Variants in NRXN1 observed in about 807,000 individuals in gnomAD.
The protein encoded by NRXN1 is neurexin-1.
Under a neutral mutation model 150.9 loss-of-function variants are expected in NRXN1, and 39 were observed. The ratio of observed to expected loss-of-function variants is 0.26; its 90% confidence interval spans 0.20 to 0.34. The LOEUF is 0.34. NRXN1 is among the 10% of genes least tolerant of loss of function. The probability of loss-of-function intolerance (pLI) is 1.00; values close to 1 mark genes in which losing one functional copy is unlikely to be tolerated. For missense variants in NRXN1, 1,815 were observed against 1,949.9 expected, an observed-to-expected ratio of 0.93 and a Z score of 1.30; for synonymous variants, 924 against 757.0, an observed-to-expected ratio of 1.22 and a Z score of -3.62.
intron 5 of NRXN1, among the ~76,000 whole-genome samples, chr2:50,672,586 T>C (rs753506383): frequency 1.3e-5 from 2 of 151,968 alleles, no homozygotes; most frequent in Non-Finnish European, 2.9e-5. Context: ...GTTATGGTCC[T>C]CCACCCCCAT....
At chr2:50,144,513 TCTC>T (rs376742872) in intron 18 of NRXN1, among the ~76,000 whole-genome samples, 174 of 151,852 alleles carry the variant, frequency 1.1e-3, no homozygotes, top group African/African-American at 4.0e-3. Flanking sequence ...CCCAACTCAA[TCTC>T]CTAAAAAATC....
intron 13 of NRXN1, among the ~76,000 whole-genome samples, chr2:50,503,591 G>C (rs1035545159): frequency 1.3e-4 from 20 of 152,200 alleles, no homozygotes; most frequent in African/African-American, 4.3e-4. Context: ...TAGGAAAGAA[G>C]GGAGAGAGAA....
chr2:50,093,694 C>T (rs967698144), intron 18 of NRXN1, among the ~76,000 whole-genome samples: 1 of 152,022 alleles, frequency 6.6e-6, no homozygotes, highest in Admixed American at 6.6e-5. Flanking sequence ...TCCTAACAAC[C>T]AAACACATAC....
intron 22 of NRXN1, among the ~76,000 whole-genome samples, chr2:49,928,839 C>T (rs1254371530): frequency 6.6e-6 from 1 of 152,098 alleles, no homozygotes; most frequent in Non-Finnish European, 1.5e-5. Context: ...GTTTCAAATT[C>T]CTTCCCTTCT....
intron 17 of NRXN1, among the ~76,000 whole-genome samples, chr2:50,392,953 G>T (rs922670801): frequency 6.6e-6 from 1 of 152,002 alleles, no homozygotes; most frequent in African/African-American, 2.4e-5. Flanking sequence ...AAAATCAACA[G>T]ATTTTACTTT....
chr2:50,168,823 G>A (rs1054106339), intron 18 of NRXN1, among the ~76,000 whole-genome samples: 3 of 152,154 alleles, frequency 2.0e-5, no homozygotes, highest in African/African-American at 7.2e-5. Flanking sequence ...TGAAATTCAA[G>A]GCAGCTGATG....
chr2:50,420,418 C>T (rs368332844), intron 17 of NRXN1, among the ~76,000 whole-genome samples: 1,787 of 133,090 alleles, frequency 0.013, 18 homozygotes, highest in Non-Finnish European at 0.021. Context: ...CACACACATA[C>T]ACACACACAC....
intron 5 of NRXN1, among the ~76,000 whole-genome samples, chr2:50,719,828 G>A (rs1198523266): frequency 6.6e-6 from 1 of 152,022 alleles, no homozygotes; most frequent in Non-Finnish European, 1.5e-5. Context: ...GCTTCCTTAG[G>A]CCAACTTTGC....
chr2:50,959,034 T>A (rs763802443), intron 2 of NRXN1, among the ~76,000 whole-genome samples: 14 of 152,138 alleles, frequency 9.2e-5, no homozygotes, highest in Non-Finnish European at 1.8e-4. Context: ...TCATGAGATA[T>A]GATCTATAGT....
intron 18 of NRXN1, among the ~76,000 whole-genome samples, chr2:50,125,028 T>A (rs549504824): frequency 6.6e-6 from 1 of 152,270 alleles, no homozygotes; most frequent in East Asian, 1.9e-4. Context: ...GTAATATGTA[T>A]ACAAACATAT....
At chr2:50,142,634 A>G (rs1318120292) in intron 18 of NRXN1, among the ~76,000 whole-genome samples, 3 of 151,972 alleles carry the variant, frequency 2.0e-5, no homozygotes, top group Admixed American at 6.6e-5. Flanking sequence ...AAGCTAATTA[A>G]GTTTAAAAAA....
chr2:50,733,401 C>A (rs1203725256), intron 5 of NRXN1, among the ~76,000 whole-genome samples: 1 of 151,988 alleles, frequency 6.6e-6, no homozygotes, highest in Non-Finnish European at 1.5e-5. Flanking sequence ...TATATTATAG[C>A]AAATGGGAGA....
chr2:50,776,323 T>A (rs1703629450), intron 5 of NRXN1, among the ~76,000 whole-genome samples: 1 of 152,146 alleles, frequency 6.6e-6, no homozygotes, highest in South Asian at 2.1e-4. Context: ...TTAATTGACA[T>A]GTTATCATTT....
intron 17 of NRXN1, among the ~76,000 whole-genome samples, chr2:50,427,329 C>A (rs1267574739): frequency 6.8e-6 from 1 of 147,744 alleles, no homozygotes; most frequent in Non-Finnish European, 1.5e-5. Context: ...AGTAGTTTAA[C>A]TGGTGAGGGG....
At chr2:50,874,389 G>T (rs911364536) in intron 5 of NRXN1, among the ~76,000 whole-genome samples, 2 of 151,656 alleles carry the variant, frequency 1.3e-5, no homozygotes, top group African/African-American at 4.8e-5. Flanking sequence ...TTTAAAATGG[G>T]CATTTTTCCA....
At chr2:50,798,153 G>A (rs1707104901) in intron 5 of NRXN1, among the ~76,000 whole-genome samples, 1 of 151,926 alleles carries the variant, frequency 6.6e-6, no homozygotes, top group South Asian at 2.1e-4. Context: ...GAGAATATGG[G>A]GGAAATTCTA....
At chr2:50,041,428 C>G (rs1041355928) in intron 21 of NRXN1, among the ~76,000 whole-genome samples, 1 of 152,182 alleles carries the variant, frequency 6.6e-6, no homozygotes, top group Non-Finnish European at 1.5e-5. Flanking sequence ...TGTCTTGTAG[C>G]CCTGTCAAGA....
At chr2:50,682,503 G>A (rs570935851) in intron 5 of NRXN1, among the ~76,000 whole-genome samples, 15 of 152,242 alleles carry the variant, frequency 9.9e-5, no homozygotes, top group African/African-American at 3.6e-4. Context: ...TCTACTAGGA[G>A]CATCGTGACT....
chr2:50,643,145 C>T (rs1375018863), intron 5 of NRXN1, among the ~76,000 whole-genome samples: 1 of 151,798 alleles, frequency 6.6e-6, no homozygotes, highest in Non-Finnish European at 1.5e-5. Context: ...CATACAGGGC[C>T]TAAATATATT....
Sources: gnomAD v4.1 joint callset for allele counts (sites outside exome capture counted in the v4.1 genomes callset) on GRCh38, gnomAD v4.1.1 for gene constraint, MANE v1.5 for transcripts, NCBI Gene and HGNC (gene_info 2026-07-23, HGNC 2026-07-21) for gene names.